Variants in NELL1 observed in about 807,000 individuals in gnomAD.
The protein encoded by NELL1 is neural EGFL like 1, also known as protein kinase C-binding protein NELL1.
NELL1 carries 76 observed loss-of-function variants against 107.4 expected under a neutral mutation model. The observed-to-expected ratio is 0.71, with a 90% CI of 0.59 to 0.86. NELL1 has a LOEUF of 0.86. Ranked by LOEUF, NELL1 falls within the 40% of genes least tolerant of loss-of-function variation. NELL1 has a pLI of 0.00. For synonymous variants in NELL1, 353 were observed against 341.2 expected, an observed-to-expected ratio of 1.03 and a Z score of -0.38; for missense variants, 1,024 against 1,005.5, an observed-to-expected ratio of 1.02 and a Z score of -0.25.
At chr11:21,488,535 T>A (rs556347855) in intron 15 of NELL1, among the ~76,000 whole-genome samples, 1 of 152,270 alleles carries the variant, frequency 6.6e-6, no homozygotes, top group African/African-American at 2.4e-5. Flanking sequence ...GAAGTTTTGC[T>A]GAGGACTAGG....
intron 3 of NELL1, among the ~76,000 whole-genome samples, chr11:20,802,399 A>G (rs1227849242): frequency 7.0e-6 from 1 of 142,654 alleles, no homozygotes; most frequent in Non-Finnish European, 1.5e-5. Flanking sequence ...GTTGGTGTAC[A>G]GAAATGCTGT....
chr11:21,157,161 A>ATGTG (rs58571261), intron 13 of NELL1, among the ~76,000 whole-genome samples: 5 of 149,626 alleles, frequency 3.3e-5, no homozygotes, highest in African/African-American at 1.2e-4. Flanking sequence ...ATATATATAT[A>ATGTG]TGTGTGTGTG....
chr11:21,532,280 A>C (rs568642432), intron 15 of NELL1, among the ~76,000 whole-genome samples: 1 of 152,302 alleles, frequency 6.6e-6, no homozygotes, highest in South Asian at 2.1e-4. Context: ...CCTGTGCTAT[A>C]CAGATAACTT....
At chr11:20,793,691 T>C (rs1372699994) in intron 3 of NELL1, among the ~76,000 whole-genome samples, 1 of 152,202 alleles carries the variant, frequency 6.6e-6, no homozygotes, top group Non-Finnish European at 1.5e-5. Flanking sequence ...TGTACTTTTC[T>C]ATAGCTCTTA....
intron 13 of NELL1, among the ~76,000 whole-genome samples, chr11:21,140,232 A>G (rs1018103573): frequency 6.6e-6 from 1 of 152,216 alleles, no homozygotes; most frequent in East Asian, 1.9e-4. Flanking sequence ...GAAAATCAGG[A>G]TATTTATAAA....
At chr11:20,738,657 C>T (rs1855818014) in intron 2 of NELL1, among the ~76,000 whole-genome samples, 1 of 152,218 alleles carries the variant, frequency 6.6e-6, no homozygotes, top group Non-Finnish European at 1.5e-5. Flanking sequence ...TTAGGCAGGA[C>T]TAGCTTCTTG....
intron 2 of NELL1, among the ~76,000 whole-genome samples, chr11:20,732,598 C>T (rs1855672394): frequency 6.6e-6 from 1 of 151,862 alleles, no homozygotes; most frequent in African/African-American, 2.4e-5. Context: ...GGATTTGCAG[C>T]AAGAGGGGAA....
At chr11:21,203,325 T>G (rs889484436) in intron 13 of NELL1, among the ~76,000 whole-genome samples, 1 of 152,196 alleles carries the variant, frequency 6.6e-6, no homozygotes, top group Non-Finnish European at 1.5e-5. Flanking sequence ...TGCATATATA[T>G]TTAGGAAAGT....
At chr11:20,805,994 G>A (rs115535029) in intron 3 of NELL1, among the ~76,000 whole-genome samples, 2 of 152,028 alleles carry the variant, frequency 1.3e-5, no homozygotes, top group Admixed American at 6.5e-5. Context: ...TCATGTTTTT[G>A]TTTTTCTACT....
intron 15 of NELL1, among the ~76,000 whole-genome samples, chr11:21,376,232 AAAGGT>A (rs920541177): frequency 6.6e-6 from 1 of 151,952 alleles, no homozygotes; most frequent in African/African-American, 2.4e-5. Context: ...GTATATGGTG[AAAGGT>A]AGGAGTCCAG....
chr11:21,173,471 A>G (rs1038838270), intron 13 of NELL1, among the ~76,000 whole-genome samples: 4 of 151,848 alleles, frequency 2.6e-5, no homozygotes, highest in African/African-American at 9.7e-5. Context: ...CTTTCCTATC[A>G]GAACACTCTT....
chr11:20,893,243 C>T (rs1470642498), intron 5 of NELL1, among the ~76,000 whole-genome samples: 2 of 151,698 alleles, frequency 1.3e-5, no homozygotes, highest in Non-Finnish European at 2.9e-5. Flanking sequence ...GAACAACATA[C>T]CCCAGGGCCT....
intron 7 of NELL1, 24 bp from the exon 8 acceptor site, chr11:20,927,284 A>G: frequency 6.3e-7 from 1 of 1,587,108 alleles, no homozygotes; most frequent in Non-Finnish European, 8.5e-7. Context: ...TACAGAAATT[A>G]CATTCAGTAA....
chr11:20,694,639 C>G (rs540286832), intron 2 of NELL1, among the ~76,000 whole-genome samples: 30 of 152,066 alleles, frequency 2.0e-4, no homozygotes, highest in African/African-American at 7.2e-4. Flanking sequence ...TGTTTTTGTA[C>G]TAATACCATG....
chr11:21,107,894 C>A (rs987755161), intron 12 of NELL1, among the ~76,000 whole-genome samples: 2 of 152,182 alleles, frequency 1.3e-5, no homozygotes, highest in Non-Finnish European at 2.9e-5. Flanking sequence ...AAGAATAGAA[C>A]TTGACTCTTA....
chr11:21,105,225 A>G (rs1388542186), intron 12 of NELL1, among the ~76,000 whole-genome samples: 5 of 152,172 alleles, frequency 3.3e-5, no homozygotes, highest in Non-Finnish European at 7.3e-5. Context: ...TGGAGGTTTA[A>G]TAGGCAAAAG....
intron 13 of NELL1, among the ~76,000 whole-genome samples, chr11:21,180,891 C>A (rs1228047590): frequency 6.6e-6 from 1 of 151,706 alleles, no homozygotes; most frequent in Admixed American, 6.6e-5. Context: ...ATGTTCTCTG[C>A]CTAGAAAACT....
rs766019151 is a variant in NELL1 at position 20,927,402 on chromosome 11, C to G, written c.854C>G (p.Ser285Cys). The change falls in exon 8 of 20, where the codon TCT becomes TGT. Residue 285 changes from serine to cysteine, a missense_variant. Ser to Cys is a moderately radical substitution (Grantham distance 112). Coordinates refer to ENST00000357134, the MANE Select transcript of NELL1 (RefSeq NM_006157.5). ...VSGLLYRDQD[S>C]WVDGDHCRNC... ...GGACTGCTCTATCGAGATCAAGACTCTTGGGTAGATGGTGACCATTGCAGG... is the reference window on the plus strand; with the variant it reads ...GGACTGCTCTATCGAGATCAAGACTGTTGGGTAGATGGTGACCATTGCAGG... 8.7e-6 allele frequency: 14 copies of G among 1,612,622 alleles called. No homozygotes were observed. In the African/African-American group the frequency reaches 1.2e-4, roughly 14 times the overall value.
chr11:21,573,554 A>G (rs1591048394), intron 19 of NELL1, 145 bp downstream of exon 19: 12 of 702,342 alleles, frequency 1.7e-5, no homozygotes, highest in Admixed American at 2.7e-5. Flanking sequence ...TAGGAATTTA[A>G]TATGTATGAA....
Sources: allele counts gnomAD v4.1 joint callset (sites outside exome capture counted in the v4.1 genomes callset), GRCh38; gene constraint gnomAD v4.1.1; transcripts MANE v1.5; gene names NCBI Gene and HGNC (gene_info 2026-07-23, HGNC 2026-07-21).